Variants in SGCZ observed in about 807,000 individuals in gnomAD.
SGCZ encodes zeta-sarcoglycan.
In SGCZ, 40 loss-of-function variants were observed where a neutral mutation model predicts 41.3. The ratio of observed to expected loss-of-function variants is 0.97; its 90% CI spans 0.75 to 1.26. The LOEUF (loss-of-function observed/expected upper bound fraction) is 1.26. SGCZ is among the 50% of genes most tolerant of loss of function. The pLI, the probability that SGCZ is intolerant of heterozygous loss-of-function variation, is 0.00. For missense variants in SGCZ, 552 were observed against 369.8 expected, an observed-to-expected ratio of 1.49 and a Z score of -4.04; for synonymous variants, 206 against 137.5, an observed-to-expected ratio of 1.50 and a Z score of -3.49.
At chr8:14,963,231 G>A (rs1801020193) in intron 1 of SGCZ, among the ~76,000 whole-genome samples, 2 of 152,176 alleles carry the variant, frequency 1.3e-5, no homozygotes, top group Admixed American at 1.3e-4. Context: ...TATATGTGTT[G>A]CATGAGCAAA....
At chr8:14,353,472 C>G (rs1803174656) in intron 2 of SGCZ, among the ~76,000 whole-genome samples, 1 of 152,052 alleles carries the variant, frequency 6.6e-6, no homozygotes, top group African/African-American at 2.4e-5. Context: ...CTGGACAGCT[C>G]CACTCTGATG....
chr8:14,757,714 G>A (rs935870903), intron 1 of SGCZ, among the ~76,000 whole-genome samples: 4 of 152,084 alleles, frequency 2.6e-5, no homozygotes, highest in African/African-American at 9.7e-5. Context: ...CTTCCAAATC[G>A]AATCAGAACC....
intron 1 of SGCZ, among the ~76,000 whole-genome samples, chr8:14,778,688 C>T (rs375166400): frequency 2.6e-4 from 40 of 152,124 alleles, no homozygotes; most frequent in East Asian, 2.5e-3. Flanking sequence ...ATTTCAATGA[C>T]GAGGAAACCC....
chr8:14,803,718 G>A (rs1449352940), intron 1 of SGCZ, among the ~76,000 whole-genome samples: 1 of 151,602 alleles, frequency 6.6e-6, no homozygotes, highest in African/African-American at 2.4e-5. Flanking sequence ...AAACTGGGTG[G>A]AGCCCACCAC....
chr8:14,211,231 C>G (rs62492296), intron 4 of SGCZ, among the ~76,000 whole-genome samples: 3 of 152,148 alleles, frequency 2.0e-5, no homozygotes, highest in Admixed American at 2.0e-4. Context: ...ACTCCTGTGT[C>G]TGCTTTCTGT....
At chr8:14,777,436 A>C (rs1299410747) in intron 1 of SGCZ, among the ~76,000 whole-genome samples, 2 of 152,222 alleles carry the variant, frequency 1.3e-5, no homozygotes, top group Non-Finnish European at 2.9e-5. Flanking sequence ...AAACGAACAA[A>C]TTACCACAGT....
At chr8:14,291,944 C>A (rs1448759342) in intron 3 of SGCZ, among the ~76,000 whole-genome samples, 1 of 152,036 alleles carries the variant, frequency 6.6e-6, no homozygotes, top group Non-Finnish European at 1.5e-5. Context: ...ACTTTAATAA[C>A]ATATTCAGCC....
rs547388306 is a variant in SGCZ, at chr8:14,154,584, G to C, written c.547+9996C>G. The stretch of plus-strand genomic sequence containing the variant: ...GAAACAATTTTAAACCTAAAGAAAA[G>C]TCATGTGCATAATTTTTAAAAATTG... On this transcript the variant is annotated intron_variant, in intron 5 of 7. Coordinates refer to ENST00000382080, the MANE Select transcript of SGCZ (RefSeq NM_139167.4). 5.9e-5 allele frequency among the ~76,000 whole-genome samples: 9 copies of C among 152,268 alleles called. No homozygotes were observed. In the East Asian group the frequency reaches 1.7e-3, roughly 29 times the overall value.
chr8:15,192,009 A>G (rs902706597), intron 1 of SGCZ, among the ~76,000 whole-genome samples: 2 of 152,076 alleles, frequency 1.3e-5, no homozygotes, highest in African/African-American at 4.8e-5. Context: ...ACCTACATCA[A>G]GGGAATGTGG....
chr8:14,275,875 A>G (rs1246261034), intron 3 of SGCZ, among the ~76,000 whole-genome samples: 5 of 152,178 alleles, frequency 3.3e-5, no homozygotes, highest in African/African-American at 1.2e-4. Flanking sequence ...TAAATGGAAG[A>G]CAGATCCAGG....
At chr8:14,598,262 T>C (rs1233046477) in intron 1 of SGCZ, among the ~76,000 whole-genome samples, 1 of 144,036 alleles carries the variant, frequency 6.9e-6, no homozygotes, top group Non-Finnish European at 1.6e-5. Flanking sequence ...CCTCTTTGAG[T>C]ATCTCAATCA....
chr8:14,536,164 C>T (rs1179367030), intron 2 of SGCZ, among the ~76,000 whole-genome samples: 1 of 151,816 alleles, frequency 6.6e-6, no homozygotes, highest in African/African-American at 2.4e-5. Context: ...AAGTATATCA[C>T]ATTTTTGTCT....
chr8:14,541,515 T>G (rs1803466828), intron 2 of SGCZ, among the ~76,000 whole-genome samples: 1 of 152,194 alleles, frequency 6.6e-6, no homozygotes, highest in South Asian at 2.1e-4. Flanking sequence ...GGTGAATATG[T>G]GCCGCATTTT....
chr8:15,148,244 G>T (rs268440), intron 1 of SGCZ, among the ~76,000 whole-genome samples: 9,803 of 152,306 alleles, frequency 0.064, 417 homozygotes, highest in Non-Finnish European at 0.096. Context: ...CTTGGATGAT[G>T]TGAGTCAATA....
intron 2 of SGCZ, among the ~76,000 whole-genome samples, chr8:14,538,717 G>A (rs777994857): frequency 1.8e-4 from 28 of 151,886 alleles, no homozygotes; most frequent in Non-Finnish European, 4.0e-4. Flanking sequence ...CTATTGAGTG[G>A]TGTAAGTGAG....
At chr8:15,058,964 C>G (rs1410852971) in intron 1 of SGCZ, among the ~76,000 whole-genome samples, 1 of 152,030 alleles carries the variant, frequency 6.6e-6, no homozygotes, top group Non-Finnish European at 1.5e-5. Flanking sequence ...TAAGTTGAAA[C>G]TTCTTTTTAC....
intron 1 of SGCZ, among the ~76,000 whole-genome samples, chr8:14,609,092 C>A (rs1805846159): frequency 6.6e-6 from 1 of 151,924 alleles, no homozygotes; most frequent in Non-Finnish European, 1.5e-5. Context: ...ATTTTTAAAC[C>A]TTTTAGTTAA....
chr8:14,973,522 T>G (rs1284394797), intron 1 of SGCZ, among the ~76,000 whole-genome samples: 2 of 152,216 alleles, frequency 1.3e-5, no homozygotes, highest in Non-Finnish European at 2.9e-5. Context: ...GTGCAGTTTT[T>G]GCTTTGACAC....
rs141156674 is a variant in SGCZ at position 14,546,624 on chromosome 8, T to C, written c.234+8108A>G. On this transcript the variant is annotated intron_variant, in intron 2 of 7. Coordinates refer to ENST00000382080, the MANE Select transcript of SGCZ (RefSeq NM_139167.4). The stretch of plus-strand genomic sequence containing the variant: ...TACACACTAACTATGAGAGATTAGG[T>C]ACATTCTTCCATTTAATTAATAAAG... 5.7e-3 allele frequency among the ~76,000 whole-genome samples: 874 copies of C among 152,274 alleles called. 11 individuals are homozygous for C. Among genetic ancestry groups the C allele is most frequent in the African/African-American group, 0.02 (818 of 41,558 alleles).
Sources: allele counts gnomAD v4.1 joint callset (sites outside exome capture counted in the v4.1 genomes callset), GRCh38; gene constraint gnomAD v4.1.1; transcripts MANE v1.5; gene names NCBI Gene and HGNC (gene_info 2026-07-23, HGNC 2026-07-21).